Variants in SLC16A7 observed in about 807,000 individuals in gnomAD.
The protein encoded by SLC16A7 is monocarboxylate transporter 2.
A neutral mutation model predicts 34.9 loss-of-function variants in SLC16A7; 33 were observed. That is an observed-to-expected ratio of 0.94 (90% CI 0.72 to 1.26). SLC16A7 has a LOEUF of 1.26. Ranked by LOEUF, SLC16A7 falls within the 50% of genes most tolerant of loss-of-function variation. SLC16A7 has a pLI of 0.00. For synonymous variants in SLC16A7, 201 were observed against 206.6 expected, an observed-to-expected ratio of 0.97 and a Z score of 0.23; for missense variants, 573 against 578.1, an observed-to-expected ratio of 0.99 and a Z score of 0.09.
At chr12:59,772,071 C>T (rs1482320164) in intron 4 of SLC16A7, among the ~76,000 whole-genome samples, 1 of 151,988 alleles carries the variant, frequency 6.6e-6, no homozygotes, top group Non-Finnish European at 1.5e-5. Context: ...AATTGCATTA[C>T]AAATTTATAT....
chr12:59,771,231 G>C lies in SLC16A7; in HGVS notation c.230G>C (p.Ser77Thr). Residue 77 changes from serine to threonine, a missense_variant, in exon 4 of 6, where the codon AGT becomes ACT. By Grantham distance (58) the Ser-to-Thr change is moderately conservative (BLOSUM62 1). Transcript: ENST00000547379. The part of the protein sequence containing the change: ...AVMYAGGPVS[S>T]VLVNKYGSRP... Reference sequence around the variant, plus strand: ...CTCTCTGCTGTAGGTCCTGTAAGTAGTGTTTTGGTGAATAAATACGGCAGC... The same window carrying C: ...CTCTCTGCTGTAGGTCCTGTAAGTACTGTTTTGGTGAATAAATACGGCAGC... The C allele has an allele frequency of 6.2e-7, 1 of 1,612,790 alleles. No homozygotes were observed. The highest frequency in any genetic ancestry group is 8.5e-7 in the Non-Finnish European group (1 of 1,179,316).
At chr12:59,735,965 T>A in intron 3 of SLC16A7, 1 of 1,187,376 alleles carries the variant, frequency 8.4e-7, no homozygotes, top group Non-Finnish European at 1.1e-6. Context: ...ATTCACCCTT[T>A]AAAGAGATCA....
chr12:59,619,592 G>A (rs900361203), intron 1 of SLC16A7, among the ~76,000 whole-genome samples: 1 of 152,010 alleles, frequency 6.6e-6, no homozygotes, highest in Non-Finnish European at 1.5e-5. Flanking sequence ...CCTGCTGACA[G>A]ATTTTAAGAT....
chr12:59,624,739 TGTG>T (rs1282376899), intron 1 of SLC16A7, among the ~76,000 whole-genome samples: 386 of 72,566 alleles, frequency 5.3e-3, no homozygotes, highest in African/African-American at 0.031. Flanking sequence ...CATTGTTAGT[TGTG>T]TGTGTGTGTG....
intron 3 of SLC16A7, among the ~76,000 whole-genome samples, chr12:59,766,923 T>A (rs922305447): frequency 1.1e-4 from 16 of 152,096 alleles, no homozygotes; most frequent in Non-Finnish European, 2.1e-4. Flanking sequence ...TTCCTCCTTG[T>A]ACCTCTGGTA....
chr12:59,606,177 G>A (rs897722052), intron 1 of SLC16A7, among the ~76,000 whole-genome samples: 1 of 152,194 alleles, frequency 6.6e-6, no homozygotes, highest in African/African-American at 2.4e-5. Flanking sequence ...TTAAAATAAT[G>A]TGGATCTTTT....
chr12:59,769,886 A>C (rs1882055979), intron 3 of SLC16A7, among the ~76,000 whole-genome samples: 1 of 152,060 alleles, frequency 6.6e-6, no homozygotes, highest in Admixed American at 6.6e-5. Flanking sequence ...TTTCCTCCAA[A>C]TAGTGTCCCT....
chr12:59,685,866 A>C (rs1216574197), intron 2 of SLC16A7, among the ~76,000 whole-genome samples: 4 of 152,106 alleles, frequency 2.6e-5, no homozygotes, highest in Non-Finnish European at 5.9e-5. Context: ...TTAATAATTT[A>C]ATCTTCATGA....
At chr12:59,615,284 C>G (rs550735740) in intron 1 of SLC16A7, among the ~76,000 whole-genome samples, 13 of 150,854 alleles carry the variant, frequency 8.6e-5, no homozygotes, top group African/African-American at 2.7e-4. Context: ...TATAGCAGCA[C>G]AAACAGACTA....
intron 2 of SLC16A7, among the ~76,000 whole-genome samples, chr12:59,701,336 C>T (rs1872853074): frequency 1.3e-5 from 2 of 150,590 alleles, no homozygotes; most frequent in Non-Finnish European, 3.0e-5. Flanking sequence ...ATGATGGAGC[C>T]AGTATTCGTA....
chr12:59,782,592 A>G lies in SLC16A7; in HGVS notation c.*2913A>G, dbSNP rs1883324876. On this transcript the variant is annotated 3_prime_UTR_variant, in exon 6 of 6. Coordinates refer to ENST00000547379, the MANE Select transcript of SLC16A7 (RefSeq NM_001270623.2). ...GAAATTGTACAGAAGAAAGGGTGTC[A>G]TTAAATCAAGGTATCCAGATAATTC... is the stretch of plus-strand genomic sequence containing the variant. The G allele has an allele frequency of 6.6e-6, 1 of 152,222 alleles. No individual in the cohort carries two copies. The highest frequency in any genetic ancestry group is 1.5e-5 in the Non-Finnish European group (1 of 68,044). The allele number at this position is 152,222 out of a possible 1,614,324, so 9.4% of individuals were successfully genotyped here.
At position 59,671,515 on chromosome 12, in the gene SLC16A7, C is replaced by T. The variant is rs541380357; in HGVS notation, c.-31+16265C>T. 2.0e-5 allele frequency among the ~76,000 whole-genome samples: 3 copies of T among 151,990 alleles called. No individual in the cohort carries two copies. The East Asian group carries it at 5.8e-4, about 29-fold the overall frequency. Reference sequence around the variant, plus strand: ...GATTATAAGATATGCACAATTTTCCCAAGCAGTTTTTGAAGCATAAATGCA... The same window carrying T: ...GATTATAAGATATGCACAATTTTCCTAAGCAGTTTTTGAAGCATAAATGCA... On this transcript the variant is annotated intron_variant, in intron 2 of 5. Transcript: ENST00000547379.
At chr12:59,722,601 C>G (rs1875740777) in intron 3 of SLC16A7, among the ~76,000 whole-genome samples, 2 of 151,924 alleles carry the variant, frequency 1.3e-5, no homozygotes, top group East Asian at 1.9e-4. Context: ...CAGCCATGCT[C>G]TCACCTCAGG....
At position 59,596,391 on chromosome 12, in the gene SLC16A7, A is replaced by G. The variant is rs992506794; in HGVS notation, c.-130+155A>G. ...GCCTGTGACAAACGTGCCAACGCAGAGTTGGCCAGCGAGCCCTTATATAGA... is the reference window on the plus strand; with the variant it reads ...GCCTGTGACAAACGTGCCAACGCAGGGTTGGCCAGCGAGCCCTTATATAGA... On this transcript the variant is annotated intron_variant, in intron 1 of 5. Coordinates refer to ENST00000547379, the MANE Select transcript of SLC16A7 (RefSeq NM_001270623.2). This position sits in a 1 kb window ranked among gnomAD's most constrained non-coding sequence, Gnocchi z 5.0. Among the ~76,000 whole-genome samples the G allele has an allele frequency of 2.0e-5, 3 of 151,982 alleles. No homozygotes were observed. The highest frequency in any genetic ancestry group is 7.3e-5 in the African/African-American group (3 of 41,346).
intron 3 of SLC16A7, among the ~76,000 whole-genome samples, chr12:59,736,320 A>C (rs775174310): frequency 3.9e-5 from 6 of 152,348 alleles, no homozygotes; most frequent in Middle Eastern, 3.4e-3. Flanking sequence ...AATATGAAAT[A>C]ATAGAAAATA....
intron 1 of SLC16A7, among the ~76,000 whole-genome samples, chr12:59,598,803 C>T (rs1229359025): frequency 1.3e-5 from 2 of 152,146 alleles, no homozygotes; most frequent in African/African-American, 4.8e-5. Flanking sequence ...CTTGGGCAAA[C>T]CAATCCACTC....
chr12:59,719,798 T>C (rs935392163), intron 3 of SLC16A7: 4 of 315,902 alleles, frequency 1.3e-5, no homozygotes, highest in African/African-American at 6.4e-5. Context: ...TTGGAGCAAA[T>C]GCTGCCCTAG....
rs1878804888 is a variant in SLC16A7, at chr12:59,745,583, C to G, written c.218-25636C>G. ...TGAATGACAAAAAATAATTCACATT[C>G]TACCTCAGGAGACAGAAGTATCAGA... On this transcript the variant is annotated intron_variant, in intron 3 of 5. Transcript: ENST00000547379. Among the ~76,000 whole-genome samples, 5 of 152,182 alleles carry G rather than the reference C, an allele frequency of 3.3e-5. No homozygotes were observed. The South Asian group carries it at 1.0e-3, about 32-fold the overall frequency.
chr12:59,644,180 A>C (rs921939108), intron 1 of SLC16A7, among the ~76,000 whole-genome samples: 1 of 152,078 alleles, frequency 6.6e-6, no homozygotes, highest in Non-Finnish European at 1.5e-5. Context: ...AAATAAAAAA[A>C]CAAAAAAATA....
Sources: allele counts gnomAD v4.1 joint callset (sites outside exome capture counted in the v4.1 genomes callset), GRCh38; gene constraint gnomAD v4.1.1; non-coding constraint Gnocchi (gnomAD v3.1); transcripts MANE v1.5; gene names NCBI Gene and HGNC (gene_info 2026-07-23, HGNC 2026-07-21).